MOSMO: variants seen among roughly 807,000 people sequenced by gnomAD.
The protein encoded by MOSMO is modulator of smoothened.
A neutral mutation model predicts 18.4 loss-of-function variants in MOSMO; 5 were observed. The observed-to-expected ratio is 0.27, with a 90% CI of 0.14 to 0.57. MOSMO has a LOEUF of 0.57. MOSMO is among the 20% of genes least tolerant of loss of function. The pLI, the probability that MOSMO is intolerant of heterozygous loss-of-function variation, is 0.92. For synonymous variants in MOSMO, 82 were observed against 82.3 expected (o/e 1.00, Z 0.02); for missense variants, 138 against 211.8 (o/e 0.65, Z 2.16).
intron 1 of MOSMO, among the ~76,000 whole-genome samples, chr16:22,047,082 T>C (rs766365831): frequency 3.9e-5 from 6 of 152,086 alleles, no homozygotes; most frequent in Non-Finnish European, 8.8e-5. Flanking sequence ...TTTATAAATA[T>C]GTGGACTTAC....
intron 1 of MOSMO, among the ~76,000 whole-genome samples, chr16:22,047,389 C>T (rs577023526): frequency 2.0e-5 from 3 of 151,876 alleles, no homozygotes; most frequent in East Asian, 3.9e-4. Flanking sequence ...GGACTACAGG[C>T]GCCCGTCACC....
chr16:22,009,829 A>AAAAAAAAAG, intron 1 of MOSMO, among the ~76,000 whole-genome samples: 1 of 148,146 alleles, frequency 6.8e-6, no homozygotes, highest in Non-Finnish European at 1.5e-5. Context: ...AAAAAAAAAA[A>AAAAAAAAAG]AAAAAAAAGA....
intron 1 of MOSMO, among the ~76,000 whole-genome samples, chr16:22,021,032 G>A (rs1389243160): frequency 6.6e-6 from 1 of 152,100 alleles, no homozygotes; most frequent in Non-Finnish European, 1.5e-5. Context: ...GAATGCAAGT[G>A]CATATGATAT....
At chr16:22,018,438 G>T (rs983592393) in intron 1 of MOSMO, among the ~76,000 whole-genome samples, 1 of 152,092 alleles carries the variant, frequency 6.6e-6, no homozygotes, top group African/African-American at 2.4e-5. Flanking sequence ...AATCTTTAAG[G>T]CCACTTAGAC....
intron 1 of MOSMO, among the ~76,000 whole-genome samples, chr16:22,042,651 G>A (rs961365709): frequency 8.6e-5 from 13 of 152,008 alleles, no homozygotes; most frequent in Non-Finnish European, 1.5e-4. Flanking sequence ...ATTTTCACAC[G>A]GGCACCAGAA....
At chr16:22,051,299 G>T (rs567726193) in intron 1 of MOSMO, among the ~76,000 whole-genome samples, 1 of 151,518 alleles carries the variant, frequency 6.6e-6, no homozygotes, top group African/African-American at 2.4e-5. Context: ...AAGGCAGGAG[G>T]ATCACTTGAA....
rs565464235 is a variant in MOSMO at position 22,081,372 on chromosome 16, A to C, written c.*492A>C. 2.0e-4 allele frequency: 31 copies of C among 152,134 alleles called. No individual in the cohort carries two copies. Among genetic ancestry groups the C allele is most frequent in the African/African-American group, 7.2e-4 (30 of 41,494 alleles). The allele number at this position is 152,134 out of a possible 1,614,324, so 9.4% of individuals were successfully genotyped here. A position where few individuals can be genotyped will look rare whatever the true frequency, so the allele number is the denominator to read the frequency against. Reference sequence around the variant, plus strand: ...AATTAGTGTTCACAACTTCCTTGTAATAGTATGAGCCTTTGGCACCAGAAT... The same window carrying C: ...AATTAGTGTTCACAACTTCCTTGTACTAGTATGAGCCTTTGGCACCAGAAT... On this transcript the variant is annotated 3_prime_UTR_variant, in exon 3 of 3. Transcript: ENST00000542527.
Position 22,008,272 on chromosome 16 carries a change from C to T in MOSMO, c.-30C>T, listed in dbSNP as rs1280624364. The stretch of plus-strand genomic sequence containing the variant: ...GCGTGAGGCCGCTGCCTGTCCGGGG[C>T]TCGGGGGGTGGGGGGAGCGGGGCGG... On this transcript the variant is annotated 5_prime_UTR_variant, in exon 1 of 3. Transcript: ENST00000542527. 1 of 1,357,562 alleles carries T rather than the reference C, an allele frequency of 7.4e-7. No individual in the cohort carries two copies. The highest frequency in any genetic ancestry group is 2.6e-5 in the Admixed American group (1 of 38,354). 84.1% of individuals were successfully genotyped at this position (1,357,562 alleles called of 1,614,324 possible).
intron 1 of MOSMO, among the ~76,000 whole-genome samples, chr16:22,016,166 C>G (rs566704184): frequency 6.6e-6 from 1 of 152,072 alleles, no homozygotes; most frequent in Admixed American, 6.6e-5. Flanking sequence ...AGGCATATCT[C>G]TATTTGATTC....
chr16:22,018,357 G>T (rs573438434), intron 1 of MOSMO, among the ~76,000 whole-genome samples: 1 of 152,108 alleles, frequency 6.6e-6, no homozygotes, highest in Non-Finnish European at 1.5e-5. Flanking sequence ...CATAATAATA[G>T]AAGTTCTTTT....
At chr16:22,039,651 A>T (rs993232539) in intron 1 of MOSMO, among the ~76,000 whole-genome samples, 1 of 152,174 alleles carries the variant, frequency 6.6e-6, no homozygotes, top group African/African-American at 2.4e-5. Context: ...GGCCAACATA[A>T]TGAGTCCTTG....
chr16:22,017,909 G>A (rs1301558692), intron 1 of MOSMO, among the ~76,000 whole-genome samples: 1 of 152,150 alleles, frequency 6.6e-6, no homozygotes, highest in Non-Finnish European at 1.5e-5. Context: ...GGGTTTGGGT[G>A]TTGCTATCAA....
chr16:22,038,510 T>C (rs923009437), intron 1 of MOSMO, among the ~76,000 whole-genome samples: 1 of 151,966 alleles, frequency 6.6e-6, no homozygotes, highest in African/African-American at 2.4e-5. Context: ...AAACACTTTG[T>C]GACATGAGGA....
At chr16:22,063,130 A>G (rs949472925) in intron 1 of MOSMO, among the ~76,000 whole-genome samples, 1 of 152,242 alleles carries the variant, frequency 6.6e-6, no homozygotes, top group African/African-American at 2.4e-5. Flanking sequence ...CTGGGATTAC[A>G]GGCGTGAGCC....
intron 2 of MOSMO, among the ~76,000 whole-genome samples, chr16:22,079,027 C>G (rs917076997): frequency 1.8e-4 from 27 of 152,128 alleles, no homozygotes; most frequent in Admixed American, 1.3e-3. Flanking sequence ...CTACCTAAAT[C>G]GTACAAGTAA....
At chr16:22,040,704 A>G (rs896387052) in intron 1 of MOSMO, among the ~76,000 whole-genome samples, 2 of 152,240 alleles carry the variant, frequency 1.3e-5, no homozygotes, top group Non-Finnish European at 2.9e-5. Flanking sequence ...ATCTAAGCAG[A>G]TGGAGAAGAA....
At chr16:22,034,125 T>C (rs139491084) in intron 1 of MOSMO, among the ~76,000 whole-genome samples, 5 of 152,360 alleles carry the variant, frequency 3.3e-5, no homozygotes, top group African/African-American at 1.2e-4. Context: ...ACAATTACTT[T>C]ATAACAGAAT....
chr16:22,062,135 A>G (rs1900656438), intron 1 of MOSMO, among the ~76,000 whole-genome samples: 1 of 152,192 alleles, frequency 6.6e-6, no homozygotes. Flanking sequence ...TGACTCATTT[A>G]AAAACAAGTG....
chr16:22,077,477 C>G (rs1900992511), intron 2 of MOSMO, among the ~76,000 whole-genome samples: 1 of 152,124 alleles, frequency 6.6e-6, no homozygotes, highest in Admixed American at 6.5e-5. Flanking sequence ...TTGGCCCTGT[C>G]ACCCAGCCAT....
Sources: allele counts gnomAD v4.1 joint callset (sites outside exome capture counted in the v4.1 genomes callset), GRCh38; gene constraint gnomAD v4.1.1; transcripts MANE v1.5; gene names NCBI Gene and HGNC (gene_info 2026-07-23, HGNC 2026-07-21).